Variants in LMX1A observed in about 807,000 individuals in gnomAD.
LMX1A encodes the protein LIM homeobox transcription factor 1-alpha.
LMX1A carries 15 observed loss-of-function variants against 49.1 expected under a neutral mutation model. The observed-to-expected ratio is 0.31, with a 90% confidence interval of 0.20 to 0.47. The LOEUF is 0.47. Among genes scored for constraint, LMX1A ranks in the 20% least tolerant of loss-of-function variants. LMX1A has a pLI of 1.00. For synonymous variants in LMX1A, 167 were observed against 185.7 expected (o/e 0.90, Z 0.82); for missense variants, 372 against 475.8 (o/e 0.78, Z 2.03).
chr1:165,322,409 A>G (rs1179039990), intron 3 of LMX1A, among the ~76,000 whole-genome samples: 1 of 152,210 alleles, frequency 6.6e-6, no homozygotes, highest in Non-Finnish European at 1.5e-5. Flanking sequence ...AATAGTCAAA[A>G]GGTAGAAACA....
At chr1:165,324,284 G>A (rs1655507942) in intron 3 of LMX1A, among the ~76,000 whole-genome samples, 1 of 152,170 alleles carries the variant, frequency 6.6e-6, no homozygotes, top group Non-Finnish European at 1.5e-5. Flanking sequence ...TGAACTCAGG[G>A]CTCTGGTCAA....
chr1:165,341,753 A>T (rs1269471338), intron 3 of LMX1A, among the ~76,000 whole-genome samples: 1 of 152,172 alleles, frequency 6.6e-6, no homozygotes, highest in Non-Finnish European at 1.5e-5. Flanking sequence ...CATCTGCTTA[A>T]TTTACATGTC....
At chr1:165,208,572 C>G (rs1455344016) in intron 6 of LMX1A, among the ~76,000 whole-genome samples, 1 of 152,194 alleles carries the variant, frequency 6.6e-6, no homozygotes, top group Non-Finnish European at 1.5e-5. Context: ...TTGAGATGAG[C>G]CTACCCAGAG....
intron 3 of LMX1A, among the ~76,000 whole-genome samples, chr1:165,266,984 C>T (rs538543062): frequency 6.6e-5 from 10 of 150,554 alleles, no homozygotes; most frequent in Non-Finnish European, 1.2e-4. Context: ...TTTCTCTTTT[C>T]CTTCCTTCCT....
chr1:165,289,252 AAAAGAG>A (rs1359106292), intron 3 of LMX1A, among the ~76,000 whole-genome samples: 2 of 152,090 alleles, frequency 1.3e-5, no homozygotes, highest in Non-Finnish European at 2.9e-5. Context: ...TAAAAAAAAA[AAAAGAG>A]AGAGAGAGAG....
At chr1:165,319,041 A>ACACACC (rs1166948163) in intron 3 of LMX1A, among the ~76,000 whole-genome samples, 7 of 136,502 alleles carry the variant, frequency 5.1e-5, no homozygotes, top group African/African-American at 1.9e-4. Context: ...ACACACACAC[A>ACACACC]CCCCAACTTC....
At chr1:165,342,732 G>T (rs536859437) in intron 3 of LMX1A, among the ~76,000 whole-genome samples, 1 of 152,196 alleles carries the variant, frequency 6.6e-6, no homozygotes, top group African/African-American at 2.4e-5. Context: ...TGACCATCGG[G>T]AGGCTGCCTG....
chr1:165,272,537 A>G (rs1399878437), intron 3 of LMX1A, among the ~76,000 whole-genome samples: 1 of 152,038 alleles, frequency 6.6e-6, no homozygotes, highest in Non-Finnish European at 1.5e-5. Context: ...CAGGCCAGAG[A>G]GTGTGCACCC....
chr1:165,287,557 A>C (rs1255479498), intron 3 of LMX1A, among the ~76,000 whole-genome samples: 2 of 152,124 alleles, frequency 1.3e-5, no homozygotes, highest in African/African-American at 4.8e-5. Context: ...GGAAGGGTGA[A>C]GGTGGGTCCC....
At chr1:165,258,034 G>A (rs1047440106) in intron 3 of LMX1A, among the ~76,000 whole-genome samples, 6 of 152,164 alleles carry the variant, frequency 3.9e-5, no homozygotes, top group African/African-American at 9.7e-5. Flanking sequence ...TGAACCCTCC[G>A]GTTTAGAAAG....
chr1:165,248,580 C>T (rs546893012), intron 4 of LMX1A, among the ~76,000 whole-genome samples: 2 of 152,296 alleles, frequency 1.3e-5, no homozygotes, highest in Admixed American at 6.5e-5. Context: ...CCTGTCTCCT[C>T]TCTTTCGCCA....
In LMX1A at chr1:165,355,417, C is replaced by T; in HGVS notation, c.76+67G>A. 1 of 1,503,736 alleles carries T rather than the reference C, an allele frequency of 6.7e-7. No individual in the cohort carries two copies. Among genetic ancestry groups the T allele is most frequent in the Non-Finnish European group, 9.2e-7 (1 of 1,087,044 alleles). 93.1% of individuals were successfully genotyped at this position (1,503,736 alleles called of 1,614,324 possible). ...CTATCGCGGACCAGGTCCCAGAGAG[C>T]GGGGCTCCAGAGCTCAGCGCCAAGC... On this transcript the variant is annotated intron_variant, in intron 2 of 8. Transcript: ENST00000342310. The surrounding 1 kb of genome is among the most constrained non-coding windows in gnomAD (Gnocchi z 4.7).
chr1:165,298,242 G>A (rs367708411), intron 3 of LMX1A, among the ~76,000 whole-genome samples: 5 of 152,286 alleles, frequency 3.3e-5, no homozygotes, highest in Admixed American at 1.3e-4. Context: ...AGCTATTTGC[G>A]GAGATGAGAG....
chr1:165,305,884 C>T (rs1328058215), intron 3 of LMX1A, among the ~76,000 whole-genome samples: 4 of 152,166 alleles, frequency 2.6e-5, no homozygotes, highest in African/African-American at 9.7e-5. Context: ...AGCCATAGCA[C>T]ATGCAAAACG....
chr1:165,256,511 A>G (rs931539690), intron 3 of LMX1A, among the ~76,000 whole-genome samples: 1 of 152,172 alleles, frequency 6.6e-6, no homozygotes, highest in Non-Finnish European at 1.5e-5. Context: ...GTGTTTTACC[A>G]TGACACTGCC....
chr1:165,276,614 C>A (rs1297149248), intron 3 of LMX1A, among the ~76,000 whole-genome samples: 1 of 150,824 alleles, frequency 6.6e-6, no homozygotes, highest in Non-Finnish European at 1.5e-5. Flanking sequence ...ACTAAAGTCA[C>A]GTTAGACAGT....
chr1:165,264,437 T>C (rs898944088), intron 3 of LMX1A, among the ~76,000 whole-genome samples: 1 of 150,064 alleles, frequency 6.7e-6, no homozygotes, highest in Non-Finnish European at 1.5e-5. Context: ...CACACACACA[T>C]ACATGCTGCC....
At chr1:165,317,734 A>G (rs1655265557) in intron 3 of LMX1A, among the ~76,000 whole-genome samples, 1 of 152,222 alleles carries the variant, frequency 6.6e-6, no homozygotes, top group African/African-American at 2.4e-5. Context: ...CTCCAGCTGA[A>G]ATGGGTTCTG....
At chr1:165,248,654 G>A (rs1426493394) in intron 4 of LMX1A, among the ~76,000 whole-genome samples, 1 of 152,154 alleles carries the variant, frequency 6.6e-6, no homozygotes, top group Admixed American at 6.5e-5. Flanking sequence ...AATCATTCTA[G>A]TGCCTTTCTT....
Sources: gnomAD v4.1 joint callset for allele counts (sites outside exome capture counted in the v4.1 genomes callset) on GRCh38, gnomAD v4.1.1 for gene constraint, Gnocchi (gnomAD v3.1) non-coding constraint, MANE v1.5 for transcripts, NCBI Gene and HGNC (gene_info 2026-07-23, HGNC 2026-07-21) for gene names.